Variants in NAV3 observed in about 807,000 individuals in gnomAD.
The protein encoded by NAV3 is pore membrane and/or filament interacting like protein 1.
NAV3 carries 87 observed loss-of-function variants against 244.7 expected under a neutral mutation model. The ratio of observed to expected loss-of-function variants is 0.36; its 90% CI spans 0.30 to 0.42. The LOEUF is 0.42. NAV3 is among the 20% of genes least tolerant of loss of function. The pLI is 1.00. For missense variants in NAV3, 2,663 were observed against 2,893.3 expected (o/e 0.92, Z 1.83); for synonymous variants, 1,126 against 1,042.2 (o/e 1.08, Z -1.55).
intron 2 of NAV3, among the ~76,000 whole-genome samples, chr12:77,699,789 CTT>C (rs35593239): frequency 1.4e-5 from 2 of 143,476 alleles, no homozygotes; most frequent in Non-Finnish European, 1.5e-5. Context: ...TCTGCATGAC[CTT>C]TTTTTTTTTT....
rs900949943 is a variant in NAV3, at chr12:77,997,069, G to A, written c.741-1268G>A. The stretch of plus-strand genomic sequence containing the variant: ...AGCCTAGCCAACACAGGGAAACCCC[G>A]TCTCTATCAAAATACAAAGATGAGC... On this transcript the variant is annotated intron_variant, in intron 6 of 39. Transcript: ENST00000397909. Among the ~76,000 whole-genome samples, 15 of 151,738 alleles carry A rather than the reference G, an allele frequency of 9.9e-5. No homozygotes were observed. In the South Asian group the frequency reaches 1.0e-3, roughly 11 times the overall value.
chr12:77,882,678 T>G (rs137887035), intron 1 of NAV3, among the ~76,000 whole-genome samples: 1 of 152,100 alleles, frequency 6.6e-6, no homozygotes, highest in African/African-American at 2.4e-5. Flanking sequence ...TCACAAACTA[T>G]GTATTCAATG....
At chr12:77,925,420 T>A (rs1349685056) in intron 1 of NAV3, among the ~76,000 whole-genome samples, 1 of 152,224 alleles carries the variant, frequency 6.6e-6, no homozygotes, top group Admixed American at 6.5e-5. Context: ...TTTATTTTCC[T>A]TTAGCTAATA....
intron 2 of NAV3, among the ~76,000 whole-genome samples, chr12:77,758,092 A>G (rs1308796864): frequency 7.5e-6 from 1 of 134,130 alleles, no homozygotes; most frequent in Non-Finnish European, 1.6e-5. Context: ...TCCCAGTAGA[A>G]TATTTTTTCT....
At chr12:78,144,959 AGAAAAACAAC>A in intron 20 of NAV3, 1 of 173,932 alleles carries the variant, frequency 5.7e-6, no homozygotes, top group Non-Finnish European at 1.2e-5. Flanking sequence ...AAAGAAAGAA[AGAAAAACAAC>A]AACAAAAACA....
chr12:77,784,655 G>A lies in NAV3; in HGVS notation c.73-155664G>A, dbSNP rs148454678. On this transcript the variant is annotated intron_variant, in intron 2 of 8. Coordinates refer to the NAV3 transcript ENST00000550042. ...TTCTGAATAACAGCACATCATGACT[G>A]GAGGATCAGATTATACCCTCATTAA... 4.9e-3 allele frequency among the ~76,000 whole-genome samples: 748 copies of A among 152,204 alleles called. 9 individuals carry two copies. Among genetic ancestry groups the A allele is most frequent in the African/African-American group, 0.017 (708 of 41,528 alleles).
intron 23 of NAV3, among the ~76,000 whole-genome samples, chr12:78,162,412 A>G (rs994598590): frequency 7.2e-5 from 11 of 152,122 alleles, no homozygotes; most frequent in African/African-American, 2.7e-4. Flanking sequence ...ATATAGGTCT[A>G]TATCTATAGA....
intron 8 of NAV3, 31 bp from the exon 9 acceptor site, chr12:78,021,716 T>C (rs1485776307): frequency 6.9e-7 from 1 of 1,450,152 alleles, no homozygotes; most frequent in Non-Finnish European, 9.7e-7. Flanking sequence ...CTATAACTGC[T>C]ATTTCTTTCT....
chr12:77,651,287 T>C (rs1169381573), intron 2 of NAV3, among the ~76,000 whole-genome samples: 1 of 152,168 alleles, frequency 6.6e-6, no homozygotes, highest in Non-Finnish European at 1.5e-5. Flanking sequence ...TTTAAAAAGA[T>C]TGAAGTAACA....
Position 77,729,114 on chromosome 12 carries a change from A to T in NAV3, c.72+156848A>T, listed in dbSNP as rs920994861. ...TATGTTATCAGTAAGGCTTCCAGTCAACAGTAGATTATTAGTTGATAAGTT... is the reference window on the plus strand; with the variant it reads ...TATGTTATCAGTAAGGCTTCCAGTCTACAGTAGATTATTAGTTGATAAGTT... On this transcript the variant is annotated intron_variant, in intron 2 of 8. Coordinates refer to the NAV3 transcript ENST00000550042. 5.9e-5 allele frequency among the ~76,000 whole-genome samples: 9 copies of T among 152,218 alleles called. No individual in the cohort carries two copies. In the South Asian group the frequency reaches 1.9e-3, roughly 32 times the overall value.
rs35625985 is a variant in NAV3 at position 77,960,450 on chromosome 12, T to TACACACACAC, written c.415-5767_415-5758dup. On this transcript the variant is annotated intron_variant, in intron 3 of 39. Coordinates refer to ENST00000397909, the MANE Select transcript of NAV3 (RefSeq NM_001024383.2). ...TTCTGGCCAGTCATATATATATATA[T>TACACACACAC]ACACACACACACACACACACATATA... Among the ~76,000 whole-genome samples, 86 of 144,396 alleles carry TACACACACAC rather than the reference T, an allele frequency of 6.0e-4. 1 individual carries two copies. Among genetic ancestry groups the TACACACACAC allele is most frequent in the South Asian group, 6.6e-4 (3 of 4,552 alleles). The allele number at this position is 144,396 out of a possible 152,430, so 94.7% of individuals were successfully genotyped here. A position where few individuals can be genotyped will look rare whatever the true frequency, so the allele number is the denominator to read the frequency against.
At chr12:77,927,073 A>C (rs1888295295) in intron 1 of NAV3, among the ~76,000 whole-genome samples, 1 of 152,250 alleles carries the variant, frequency 6.6e-6, no homozygotes. Flanking sequence ...TATCAGACTG[A>C]TACAAGAAGA....
At chr12:77,709,423 A>T (rs1875997233) in intron 2 of NAV3, among the ~76,000 whole-genome samples, 1 of 152,178 alleles carries the variant, frequency 6.6e-6, no homozygotes, top group Admixed American at 6.5e-5. Flanking sequence ...CACCACTCCT[A>T]TTCAACATAG....
At chr12:78,158,123 A>G (rs907170449) in intron 22 of NAV3, among the ~76,000 whole-genome samples, 5 of 152,170 alleles carry the variant, frequency 3.3e-5, no homozygotes, top group Admixed American at 3.3e-4. Flanking sequence ...CCACTCTGCT[A>G]TAAGTACATG....
At chr12:77,842,237 G>T (rs1018484364) in intron 1 of NAV3, among the ~76,000 whole-genome samples, 1 of 152,002 alleles carries the variant, frequency 6.6e-6, no homozygotes, top group Non-Finnish European at 1.5e-5. Flanking sequence ...AGTAGACCAG[G>T]TCCAGATATA....
intron 1 of NAV3, among the ~76,000 whole-genome samples, chr12:77,928,787 T>C (rs997234577): frequency 5.3e-5 from 8 of 152,232 alleles, no homozygotes; most frequent in African/African-American, 1.9e-4. Flanking sequence ...GATATGTAAC[T>C]AGATTCTAAG....
chr12:77,964,127 G>A (rs1892310284), intron 3 of NAV3, among the ~76,000 whole-genome samples: 1 of 151,556 alleles, frequency 6.6e-6, no homozygotes, highest in African/African-American at 2.4e-5. Flanking sequence ...CAAGTTGAGA[G>A]AGAGAGTTGT....
chr12:77,978,979 A>G (rs1001971519), intron 5 of NAV3, among the ~76,000 whole-genome samples: 2 of 151,876 alleles, frequency 1.3e-5, no homozygotes, highest in African/African-American at 2.4e-5. Flanking sequence ...ATAATTATGG[A>G]CCTTTTTTCC....
chr12:77,840,153 G>T (rs1030463779), intron 1 of NAV3, among the ~76,000 whole-genome samples: 2 of 152,164 alleles, frequency 1.3e-5, no homozygotes, highest in African/African-American at 2.4e-5. Flanking sequence ...ATATGGAATA[G>T]CATTTACCAG....
Sources: allele counts gnomAD v4.1 joint callset (sites outside exome capture counted in the v4.1 genomes callset), GRCh38; gene constraint gnomAD v4.1.1; transcripts MANE v1.5; gene names NCBI Gene and HGNC (gene_info 2026-07-23, HGNC 2026-07-21).